Variants in MLC1 observed in about 807,000 individuals in gnomAD.
MLC1 encodes modulator of VRAC current 1.
A neutral mutation model predicts 44.7 loss-of-function variants in MLC1; 32 were observed. The ratio of observed to expected loss-of-function variants is 0.72; its 90% CI spans 0.54 to 0.96. The LOEUF (loss-of-function observed/expected upper bound fraction) is 0.96, where lower values mean the gene tolerates loss of function less well. MLC1 is among the 40% of genes least tolerant of loss of function. The pLI is 0.00. For missense variants in MLC1, 459 were observed against 492.2 expected (o/e 0.93, Z 0.64); for synonymous variants, 190 against 213.0 (o/e 0.89, Z 0.94).
Position 50,061,467 on chromosome 22 carries a change from G to T in MLC1, c.*116C>A, listed in dbSNP as rs1344587389. On this transcript the variant is annotated 3_prime_UTR_variant, in exon 12 of 12. Coordinates refer to ENST00000311597, the MANE Select transcript of MLC1 (RefSeq NM_015166.4). Reference sequence around the variant, plus strand: ...GAAAACCCCACCTGCAGCCTGGTTTGCCCTCACACAAGGGAAAAGAGGTGT... The same window carrying T: ...GAAAACCCCACCTGCAGCCTGGTTTTCCCTCACACAAGGGAAAAGAGGTGT... 26 of 1,117,300 alleles carry T rather than the reference G, an allele frequency of 2.3e-5. No individual in the cohort carries two copies. Among genetic ancestry groups the T allele is most frequent in the Non-Finnish European group, 3.4e-5 (25 of 741,826 alleles). 69.2% of individuals were successfully genotyped at this position (1,117,300 alleles called of 1,614,324 possible). A position where few individuals can be genotyped will look rare whatever the true frequency, so the allele number is the denominator to read the frequency against.
chr22:50,078,116 C>T (rs567751193), intron 5 of MLC1, among the ~76,000 whole-genome samples: 3 of 151,654 alleles, frequency 2.0e-5, no homozygotes, highest in Admixed American at 6.6e-5. Flanking sequence ...CTCAGCCTCC[C>T]GAGTAAGCTG....
Position 50,080,416 on chromosome 22 carries a change from C to G in MLC1, c.268-19G>C. 1 of 1,595,972 alleles carries G rather than the reference C, an allele frequency of 6.3e-7. No individual in the cohort carries two copies. The highest frequency in any genetic ancestry group is 1.1e-5 in the South Asian group (1 of 87,984). On this transcript the variant is annotated intron_variant, in intron 3 of 11. Transcript: ENST00000311597. Reference sequence around the variant, plus strand: ...GGATGCACTGGAATGAAACCGGAATCCCATGAGCCTGCCGCTCACCTGAGC... The same window carrying G: ...GGATGCACTGGAATGAAACCGGAATGCCATGAGCCTGCCGCTCACCTGAGC...
chr22:50,067,111 G>A (rs1013329093), intron 10 of MLC1, among the ~76,000 whole-genome samples: 2 of 152,156 alleles, frequency 1.3e-5, no homozygotes, highest in African/African-American at 2.4e-5. Context: ...AAGACAACAT[G>A]AAGTAGGAGA....
intron 8 of MLC1, among the ~76,000 whole-genome samples, chr22:50,073,025 C>T (rs1368183945): frequency 6.6e-6 from 1 of 152,170 alleles, no homozygotes; most frequent in Non-Finnish European, 1.5e-5. Context: ...GGCCCCTTCT[C>T]GGCAGTCCAC....
At chr22:50,075,296 G>A (rs2061952969) in intron 7 of MLC1, among the ~76,000 whole-genome samples, 2 of 152,198 alleles carry the variant, frequency 1.3e-5, no homozygotes, top group South Asian at 4.1e-4. Flanking sequence ...CGCAAACACA[G>A]AGCTGTGGCC....
At chr22:50,062,098 T>C (rs142355967) in intron 11 of MLC1, among the ~76,000 whole-genome samples, 16,472 of 124,876 alleles carry the variant, frequency 0.13, 1,098 homozygotes, top group South Asian at 0.25. Flanking sequence ...GAGCCCCAGC[T>C]GTCCACCCTG....
chr22:50,063,149 G>C (rs2061607112), intron 11 of MLC1, among the ~76,000 whole-genome samples: 1 of 152,138 alleles, frequency 6.6e-6, no homozygotes, highest in Non-Finnish European at 1.5e-5. Context: ...GATGGGTCTG[G>C]GTTTACCCAG....
At chr22:50,065,612 A>G (rs2061685451) in intron 10 of MLC1, among the ~76,000 whole-genome samples, 1 of 152,166 alleles carries the variant, frequency 6.6e-6, no homozygotes, top group African/African-American at 2.4e-5. Flanking sequence ...CATGCTTTGT[A>G]AGAGGTCCTC....
At position 50,063,780 on chromosome 22, in the gene MLC1, C is replaced by T. The variant is rs1407879352; in HGVS notation, c.1059+254G>A. Among the ~76,000 whole-genome samples the T allele has an allele frequency of 7.4e-5, 7 of 94,170 alleles. 1 individual carries two copies. Among genetic ancestry groups the T allele is most frequent in the Non-Finnish European group, 1.7e-4 (7 of 41,324 alleles). The allele number at this position is 94,170 out of a possible 152,430, so 61.8% of individuals were successfully genotyped here. On this transcript the variant is annotated intron_variant, in intron 11 of 11. Transcript: ENST00000311597. ...CAGGCTTCTCACCTCCCTGGCTGGG[C>T]CCCCCATGGGCCACTCACCTCCCCA...
At chr22:50,084,675 G>C (rs557032835) in intron 2 of MLC1, 51 bp downstream of exon 2, 2 of 1,598,942 alleles carry the variant, frequency 1.3e-6, no homozygotes, top group Non-Finnish European at 1.7e-6. Context: ...TCCGTCACCA[G>C]AGGGACCAGA....
intron 11 of MLC1, among the ~76,000 whole-genome samples, chr22:50,063,354 T>A (rs1464699632): frequency 6.6e-6 from 1 of 150,800 alleles, no homozygotes; most frequent in Non-Finnish European, 1.5e-5. Context: ...GTGCCTGTAG[T>A]CCCAGCTACT....
At chr22:50,072,416 C>T (rs1020688690) in intron 8 of MLC1, among the ~76,000 whole-genome samples, 16 of 152,336 alleles carry the variant, frequency 1.1e-4, no homozygotes, top group African/African-American at 2.9e-4. Flanking sequence ...TCCCTCACCA[C>T]GCATGCCTCA....
chr22:50,080,218 C>T, intron 4 of MLC1, 126 bp downstream of exon 4: 3 of 1,317,948 alleles, frequency 2.3e-6, no homozygotes, highest in Non-Finnish European at 2.1e-6. Context: ...TGGGGGGCAA[C>T]CTCGGGGGCC....
chr22:50,066,059 G>A (rs1169549389), intron 10 of MLC1, among the ~76,000 whole-genome samples: 5 of 150,440 alleles, frequency 3.3e-5, no homozygotes, highest in Middle Eastern at 3.2e-3. Flanking sequence ...GCAAGGGGCT[G>A]GGCACGGTGG....
At chr22:50,061,937 G>A (rs2061568318) in intron 11 of MLC1, among the ~76,000 whole-genome samples, 1 of 152,238 alleles carries the variant, frequency 6.6e-6, no homozygotes, top group Non-Finnish European at 1.5e-5. Context: ...TGGCTCTGGG[G>A]CGGGGAGCGG....
At chr22:50,073,840 A>C (rs968810208) in intron 8 of MLC1, among the ~76,000 whole-genome samples, 1 of 152,228 alleles carries the variant, frequency 6.6e-6, no homozygotes, top group African/African-American at 2.4e-5. Context: ...TTTAATGTAA[A>C]GTAATAACAG....
intron 2 of MLC1, 93 bp downstream of exon 2, chr22:50,084,633 T>C (rs1329681544): frequency 1.7e-5 from 23 of 1,392,146 alleles, no homozygotes; most frequent in Non-Finnish European, 2.2e-5. Flanking sequence ...AGTTGCTCTC[T>C]CTGTCCCACC....
intron 4 of MLC1, 78 bp from the exon 5 acceptor site, chr22:50,080,097 C>T: frequency 8.2e-7 from 1 of 1,217,586 alleles, no homozygotes; most frequent in Admixed American, 1.8e-5. Flanking sequence ...ACACTTCAGG[C>T]CATTCACTAA....
chr22:50,068,138 C>T (rs1422053739), intron 10 of MLC1, among the ~76,000 whole-genome samples: 1 of 152,252 alleles, frequency 6.6e-6, no homozygotes, highest in African/African-American at 2.4e-5. Flanking sequence ...ATCCGAAAAG[C>T]ATGTCTCATA....
Sources: gnomAD v4.1 joint callset for allele counts (sites outside exome capture counted in the v4.1 genomes callset) on GRCh38, gnomAD v4.1.1 for gene constraint, MANE v1.5 for transcripts, NCBI Gene and HGNC (gene_info 2026-07-23, HGNC 2026-07-21) for gene names.